The following LRP1B variants were observed in gnomAD, a reference collection of about 807,000 sequenced individuals.
LRP1B encodes LDL receptor related protein 1B.
LRP1B carries 217 observed loss-of-function variants against 556.6 expected under a neutral mutation model. The observed-to-expected ratio is 0.39, with a 90% CI of 0.35 to 0.44. LRP1B has a LOEUF of 0.44. LRP1B is among the 20% of genes least tolerant of loss of function. The pLI is 1.00. For synonymous variants in LRP1B, 2,047 were observed against 1,865.8 expected, an observed-to-expected ratio of 1.10 and a Z score of -2.50; for missense variants, 5,053 against 5,620.8, an observed-to-expected ratio of 0.90 and a Z score of 3.23.
At chr2:141,111,077 C>G (rs1320216875) in intron 7 of LRP1B, among the ~76,000 whole-genome samples, 1 of 152,094 alleles carries the variant, frequency 6.6e-6, no homozygotes, top group African/African-American at 2.4e-5. Flanking sequence ...TAAATCAGTC[C>G]TTGTGATCGT....
chr2:141,447,833 T>C (rs2105016101), intron 3 of LRP1B, among the ~76,000 whole-genome samples: 1 of 152,296 alleles, frequency 6.6e-6, no homozygotes, highest in South Asian at 2.1e-4. Context: ...AGGGCTCTCC[T>C]GTATGAGGTG....
intron 2 of LRP1B, among the ~76,000 whole-genome samples, chr2:141,637,882 G>A (rs1689161808): frequency 6.6e-6 from 1 of 152,082 alleles, no homozygotes. Flanking sequence ...GGTGATAAGT[G>A]AGTTTTTGCT....
At chr2:141,054,882 CAT>C (rs1374418482) in intron 10 of LRP1B, among the ~76,000 whole-genome samples, 1 of 151,986 alleles carries the variant, frequency 6.6e-6, no homozygotes, top group African/African-American at 2.4e-5. Flanking sequence ...TCTTCCTCAA[CAT>C]ATGTTTCCCT....
intron 1 of LRP1B, among the ~76,000 whole-genome samples, chr2:141,819,588 G>A (rs1008200019): frequency 3.9e-5 from 6 of 152,140 alleles, no homozygotes; most frequent in South Asian, 2.1e-4. Flanking sequence ...GATACTAGGG[G>A]CTGGAAAGGA....
At chr2:140,861,859 T>C (rs1470685737) in intron 27 of LRP1B, among the ~76,000 whole-genome samples, 1 of 152,234 alleles carries the variant, frequency 6.6e-6, no homozygotes, top group African/African-American at 2.4e-5. Context: ...TGTTGGCTAG[T>C]GTTAGCTTGA....
At chr2:140,355,896 T>C (rs1260773686) in intron 75 of LRP1B, among the ~76,000 whole-genome samples, 2 of 151,904 alleles carry the variant, frequency 1.3e-5, no homozygotes, top group Admixed American at 6.6e-5. Flanking sequence ...AAAGATACAT[T>C]ATGATCTATT....
intron 2 of LRP1B, among the ~76,000 whole-genome samples, chr2:141,730,129 T>TGG (rs1346088361): frequency 6.6e-6 from 1 of 152,152 alleles, no homozygotes; most frequent in African/African-American, 2.4e-5. Context: ...TCAAACATCA[T>TGG]GTGGCTTAGC....
intron 1 of LRP1B, among the ~76,000 whole-genome samples, chr2:141,854,030 GA>G (rs1261347432): frequency 5.9e-5 from 9 of 151,808 alleles, no homozygotes; most frequent in Non-Finnish European, 1.2e-4. Flanking sequence ...GATAATACAA[GA>G]AAATTAAATT....
intron 47 of LRP1B, among the ~76,000 whole-genome samples, chr2:140,530,767 T>G (rs979668792): frequency 6.6e-6 from 1 of 152,148 alleles, no homozygotes; most frequent in African/African-American, 2.4e-5. Flanking sequence ...GTTTTGCTTG[T>G]TTATTTTTAA....
Position 141,544,328 on chromosome 2 carries a change from C to CTTCTTCTTCTTCTTCTTCTT in LRP1B, c.206-63815_206-63796dup, listed in dbSNP as rs1685421039. Among the ~76,000 whole-genome samples the CTTCTTCTTCTTCTTCTTCTT allele has an allele frequency of 1.0e-3, 38 of 36,974 alleles. 1 individual carries two copies. Among genetic ancestry groups the CTTCTTCTTCTTCTTCTTCTT allele is most frequent in the East Asian group, 2.2e-3 (3 of 1,346 alleles). 24.3% of individuals were successfully genotyped at this position (36,974 alleles called of 152,430 possible). A position where few individuals can be genotyped will look rare whatever the true frequency, so the allele number is the denominator to read the frequency against. ...TCTTCTTCTTCTTCTTCTTCTTCTTCTTCTTCTTCTTCTTCTTCTTCTTCT... is the reference window on the plus strand; with the variant it reads ...TCTTCTTCTTCTTCTTCTTCTTCTTCTTCTTCTTCTTCTTCTTCTTTTCTTCTTCTTCTTCTTCTTCTTCT... On this transcript the variant is annotated intron_variant, in intron 2 of 90. Coordinates refer to ENST00000389484, the MANE Select transcript of LRP1B (RefSeq NM_018557.3).
In LRP1B at chr2:141,870,761, G is replaced by T. The variant is rs543871749; in HGVS notation, c.83-60360C>A. Among the ~76,000 whole-genome samples, 495 of 151,996 alleles carry T rather than the reference G, an allele frequency of 3.3e-3. 5 individuals carry two copies. The highest frequency in any genetic ancestry group is 5.4e-3 in the Non-Finnish European group (364 of 67,876). Reference sequence around the variant, plus strand: ...TAGAAAACTTCTCTGTCATAGAAAAGTCATCGTGGTGAAAAAAAATTATAT... The same window carrying T: ...TAGAAAACTTCTCTGTCATAGAAAATTCATCGTGGTGAAAAAAAATTATAT... On this transcript the variant is annotated intron_variant, in intron 1 of 90. Coordinates refer to ENST00000389484, the MANE Select transcript of LRP1B (RefSeq NM_018557.3).
At chr2:141,513,022 C>T (rs1353402474) in intron 2 of LRP1B, among the ~76,000 whole-genome samples, 1 of 152,028 alleles carries the variant, frequency 6.6e-6, no homozygotes, top group Non-Finnish European at 1.5e-5. Flanking sequence ...AAATTTTATT[C>T]CTATATCTGT....
chr2:140,861,326 G>A (rs977029293), intron 27 of LRP1B, among the ~76,000 whole-genome samples: 17 of 152,208 alleles, frequency 1.1e-4, no homozygotes, highest in African/African-American at 3.1e-4. Context: ...AGAATCGCTT[G>A]AACCTGGGAG....
At chr2:140,708,659 T>C (rs561016072) in intron 37 of LRP1B, among the ~76,000 whole-genome samples, 3 of 151,852 alleles carry the variant, frequency 2.0e-5, no homozygotes, top group Admixed American at 6.6e-5. Context: ...CATGTACATA[T>C]ATATAATATT....
chr2:140,516,725 TC>T (rs1689918812), intron 50 of LRP1B, among the ~76,000 whole-genome samples, 163 bp downstream of exon 50: 1 of 152,108 alleles, frequency 6.6e-6, no homozygotes, highest in Non-Finnish European at 1.5e-5. Flanking sequence ...TATAAGCTCT[TC>T]TGTTTTAATT....
chr2:141,178,654 C>A (rs963213287), intron 7 of LRP1B, among the ~76,000 whole-genome samples: 1 of 152,104 alleles, frequency 6.6e-6, no homozygotes, highest in Non-Finnish European at 1.5e-5. Flanking sequence ...GAAATGCATG[C>A]TTCCACTTCC....
At chr2:140,285,695 G>A (rs1477616585) in intron 84 of LRP1B, among the ~76,000 whole-genome samples, 1 of 151,652 alleles carries the variant, frequency 6.6e-6, no homozygotes, top group African/African-American at 2.4e-5. Flanking sequence ...ATTGTTAATA[G>A]CATTTAACCT....
intron 5 of LRP1B, among the ~76,000 whole-genome samples, chr2:141,229,912 C>T (rs1683394219): frequency 6.6e-6 from 1 of 152,166 alleles, no homozygotes; most frequent in African/African-American, 2.4e-5. Context: ...GTGACTTTGG[C>T]CTCACTGGCT....
intron 53 of LRP1B, among the ~76,000 whole-genome samples, chr2:140,505,043 C>T (rs1158751458): frequency 6.6e-6 from 1 of 152,160 alleles, no homozygotes; most frequent in Non-Finnish European, 1.5e-5. Context: ...TCAAATCTAA[C>T]TTCATCTTTT....
Sources: gnomAD v4.1 joint callset for allele counts (sites outside exome capture counted in the v4.1 genomes callset) on GRCh38, gnomAD v4.1.1 for gene constraint, MANE v1.5 for transcripts, NCBI Gene and HGNC (gene_info 2026-07-23, HGNC 2026-07-21) for gene names.